CDK15: variants seen among roughly 807,000 people sequenced by gnomAD.
CDK15 encodes the protein cyclin dependent kinase 15.
In CDK15, 62 loss-of-function variants were observed where a neutral mutation model predicts 60.3. The observed-to-expected ratio is 1.03, with a 90% CI of 0.84 to 1.27. The LOEUF (loss-of-function observed/expected upper bound fraction) is 1.27. CDK15 is among the 50% of genes most tolerant of loss of function. The pLI is 0.00. For synonymous variants in CDK15, 194 were observed against 195.7 expected, an observed-to-expected ratio of 0.99 and a Z score of 0.07; for missense variants, 541 against 527.8, an observed-to-expected ratio of 1.03 and a Z score of -0.25.
At chr2:201,855,040 G>T in intron 10 of CDK15, 103 bp downstream of exon 10, 1 of 969,058 alleles carries the variant, frequency 1.0e-6, no homozygotes, top group Non-Finnish European at 1.6e-6. Flanking sequence ...CAGCGGCAAA[G>T]ATGGGTGTAG....
At chr2:201,881,555 A>G (rs1169835149) in intron 12 of CDK15, among the ~76,000 whole-genome samples, 1 of 152,176 alleles carries the variant, frequency 6.6e-6, no homozygotes, top group Non-Finnish European at 1.5e-5. Flanking sequence ...TGCATAATCA[A>G]CTGCAGATGT....
chr2:201,852,701 A>G lies in CDK15; in HGVS notation c.946-2173A>G, dbSNP rs76259057. Among the ~76,000 whole-genome samples the G allele has an allele frequency of 4.2e-3, 635 of 152,254 alleles. 6 individuals are homozygous for G. Among genetic ancestry groups the G allele is most frequent in the African/African-American group, 0.015 (610 of 41,540 alleles). On this transcript the variant is annotated intron_variant, in intron 9 of 13. Coordinates refer to ENST00000652192, the MANE Select transcript of CDK15 (RefSeq NM_001366386.2). ...GCCTTCAGGGAGGGAGCAAAACAAC[A>G]ATTTTTGGTTTTCAGTTTCCCAGAC...
chr2:201,814,688 G>C (rs1042252890), intron 4 of CDK15, among the ~76,000 whole-genome samples: 1 of 152,154 alleles, frequency 6.6e-6, no homozygotes, highest in Admixed American at 6.5e-5. Flanking sequence ...CGAAAGGCAC[G>C]TGCAGGAAAA....
At chr2:201,866,933 G>A (rs1431037829) in intron 10 of CDK15, among the ~76,000 whole-genome samples, 1 of 152,146 alleles carries the variant, frequency 6.6e-6, no homozygotes, top group African/African-American at 2.4e-5. Flanking sequence ...AGCTAATGTA[G>A]CTACAAAATA....
intron 10 of CDK15, among the ~76,000 whole-genome samples, chr2:201,860,007 C>G (rs1456066914): frequency 6.6e-6 from 1 of 152,198 alleles, no homozygotes; most frequent in Admixed American, 6.5e-5. Context: ...TAAAGAGAAA[C>G]TTTTTTTCTT....
rs1553525394 is a variant in CDK15, at chr2:201,839,970, T to TG, written c.851+4207_851+4208insG. The stretch of plus-strand genomic sequence containing the variant: ...AATTGTTGAGTGCTGCTGGGGTTTT[T>TG]TTTTTGTTTTTGTTTTTGTTTTTGT... On this transcript the variant is annotated intron_variant, in intron 8 of 13. Coordinates refer to ENST00000652192, the MANE Select transcript of CDK15 (RefSeq NM_001366386.2). 2.5e-3 allele frequency among the ~76,000 whole-genome samples: 371 copies of TG among 150,780 alleles called. 2 individuals carry two copies. The highest frequency in any genetic ancestry group is 8.8e-3 in the African/African-American group (362 of 40,922).
At chr2:201,813,072 G>A (rs988828952) in intron 4 of CDK15, among the ~76,000 whole-genome samples, 1 of 152,172 alleles carries the variant, frequency 6.6e-6, no homozygotes, top group African/African-American at 2.4e-5. Context: ...TGCAGCACAG[G>A]TCCACCAATC....
chr2:201,888,351 T>A (rs932256749), intron 12 of CDK15: 60 of 1,459,510 alleles, frequency 4.1e-5, no homozygotes, highest in Non-Finnish European at 5.4e-5. Context: ...TCTAAATACA[T>A]AAGAATCTAA....
At chr2:201,850,655 T>C (rs1273726701) in intron 9 of CDK15, among the ~76,000 whole-genome samples, 2 of 152,172 alleles carry the variant, frequency 1.3e-5, no homozygotes, top group African/African-American at 4.8e-5. Context: ...GTACATGCCC[T>C]GTATTGGGAT....
chr2:201,882,342 G>A lies in CDK15; in HGVS notation c.1198+2175G>A, dbSNP rs192360452. On this transcript the variant is annotated intron_variant, in intron 12 of 13. Coordinates refer to ENST00000652192, the MANE Select transcript of CDK15 (RefSeq NM_001366386.2). The surrounding 1 kb of genome is among the most constrained non-coding windows in gnomAD (Gnocchi z 4.0). ...CTTGTAGGAGGCTGCCTGCACTAGC[G>A]GGGGAAACCAGGAGTGCTCACAGCA... is the stretch of plus-strand genomic sequence containing the variant. 6.6e-6 allele frequency among the ~76,000 whole-genome samples: 1 copy of A among 152,206 alleles called. No individual in the cohort carries two copies. The highest frequency in any genetic ancestry group is 6.5e-5 in the Admixed American group (1 of 15,300).
chr2:201,876,078 T>C (rs1699067597), intron 11 of CDK15, among the ~76,000 whole-genome samples: 1 of 152,216 alleles, frequency 6.6e-6, no homozygotes, highest in African/African-American at 2.4e-5. Flanking sequence ...GAATTCACAT[T>C]TACCTTGGAA....
chr2:201,883,540 T>G (rs575358687), intron 12 of CDK15, among the ~76,000 whole-genome samples: 1 of 152,264 alleles, frequency 6.6e-6, no homozygotes, highest in African/African-American at 2.4e-5. Context: ...AGTTTCCTTT[T>G]GGACAGCACC....
chr2:201,863,900 A>AAAC (rs766211074), intron 10 of CDK15, among the ~76,000 whole-genome samples: 3 of 152,176 alleles, frequency 2.0e-5, no homozygotes, highest in South Asian at 2.1e-4. Context: ...CATCTCAGAA[A>AAAC]AACAACAACA....
Position 201,807,477 on chromosome 2 carries a change from C to G in CDK15, c.124-17C>G. On this transcript the variant is annotated splice_polypyrimidine_tract_variant and intron_variant, in intron 1 of 13. Coordinates refer to ENST00000652192, the MANE Select transcript of CDK15 (RefSeq NM_001366386.2). Reference sequence around the variant, plus strand: ...ACTTTGCATAAATTTTATTTCTGCTCTTTCTTTTTTCTCTAGCTAACAGAC... The same window carrying G: ...ACTTTGCATAAATTTTATTTCTGCTGTTTCTTTTTTCTCTAGCTAACAGAC... 1 of 1,603,880 alleles carries G rather than the reference C, an allele frequency of 6.2e-7. No homozygotes were observed. Among genetic ancestry groups the G allele is most frequent in the Non-Finnish European group, 8.5e-7 (1 of 1,175,888 alleles).
intron 4 of CDK15, among the ~76,000 whole-genome samples, chr2:201,813,930 GAAACTGCATTAACTAATGTACTTATT>G (rs1374736296): frequency 6.6e-6 from 1 of 152,160 alleles, no homozygotes; most frequent in East Asian, 1.9e-4. Context: ...TAATATAATG[GAAACTGCATTAACTAATGTACTTATT>G]AATGGTCTCC....
intron 4 of CDK15, among the ~76,000 whole-genome samples, chr2:201,817,603 A>G (rs536801540): frequency 6.6e-6 from 1 of 152,324 alleles, no homozygotes; most frequent in Admixed American, 6.5e-5. Flanking sequence ...TTCCCAATCC[A>G]TATATGAGAA....
rs751966765 is a variant in CDK15, at chr2:201,872,282, G to A, written c.1014G>A (p.Trp338Ter). ...VSKLPNYNPE[W>*]FPLPTPRSLH... The stretch of plus-strand genomic sequence containing the variant: ...CGCCCTCTGTATGCTTCCCAGAATG[G>A]TTCCCACTGCCTACGCCTCGAAGCC... Residue 338 changes from tryptophan to a stop codon, truncating the protein, a stop_gained, in exon 11 of 14, where the codon TGG becomes TGA. Transcript: ENST00000652192. LOFTEE classifies it high-confidence loss of function. The A allele has an allele frequency of 1.2e-6, 2 of 1,614,086 alleles. No homozygotes were observed. Among genetic ancestry groups the A allele is most frequent in the Non-Finnish European group, 1.7e-6 (2 of 1,179,998 alleles).
At chr2:201,820,452 C>T (rs1418119984) in intron 4 of CDK15, among the ~76,000 whole-genome samples, 1 of 152,054 alleles carries the variant, frequency 6.6e-6, no homozygotes, top group Non-Finnish European at 1.5e-5. Context: ...ACCAAGGTTC[C>T]ACAAATGGTA....
At chr2:201,823,811 CCTATGATA>C (rs1696341451) in intron 6 of CDK15, 84 bp downstream of exon 6, 1 of 1,136,694 alleles carries the variant, frequency 8.8e-7, no homozygotes, top group African/African-American at 1.5e-5. Flanking sequence ...AAAGCAAAGT[CCTATGATA>C]CTAAATAAGA....
Sources: allele counts gnomAD v4.1 joint callset (sites outside exome capture counted in the v4.1 genomes callset), GRCh38; gene constraint gnomAD v4.1.1; non-coding constraint Gnocchi (gnomAD v3.1); transcripts MANE v1.5; gene names NCBI Gene and HGNC (gene_info 2026-07-23, HGNC 2026-07-21).